The following SLC8A1 variants were observed in gnomAD, a reference collection of about 807,000 sequenced individuals.
SLC8A1 encodes sodium/calcium exchanger 1.
Under a neutral mutation model 68.3 loss-of-function variants are expected in SLC8A1, and 18 were observed. The observed-to-expected ratio is 0.26, with a 90% CI of 0.18 to 0.39. The LOEUF (loss-of-function observed/expected upper bound fraction) is 0.39, where lower values mean the gene tolerates loss of function less well. SLC8A1 is among the 10% of genes least tolerant of loss of function. The pLI is 1.00. For synonymous variants in SLC8A1, 475 were observed against 415.5 expected (o/e 1.14, Z -1.74); for missense variants, 985 against 1,156.7 (o/e 0.85, Z 2.15).
chr2:40,452,852 C>A (rs1001240534), upstream of SLC8A1, among the ~76,000 whole-genome samples: 1 of 151,732 alleles, frequency 6.6e-6, no homozygotes, highest in Non-Finnish European at 1.5e-5. Flanking sequence ...GAATAAAGAC[C>A]CAGAGTCTGT....
At chr2:40,330,053 T>C (rs2076256456) in intron 2 of SLC8A1, among the ~76,000 whole-genome samples, 1 of 152,192 alleles carries the variant, frequency 6.6e-6, no homozygotes, top group Non-Finnish European at 1.5e-5. Flanking sequence ...GTGTGGAGCT[T>C]AAAACTTTTC....
At chr2:40,315,945 C>G (rs2074388921) in intron 2 of SLC8A1, among the ~76,000 whole-genome samples, 1 of 152,032 alleles carries the variant, frequency 6.6e-6, no homozygotes, top group South Asian at 2.1e-4. Flanking sequence ...AGTAATTACA[C>G]TGGTCTCAGG....
intron 2 of SLC8A1, among the ~76,000 whole-genome samples, chr2:40,243,166 G>A (rs886464735): frequency 6.6e-6 from 1 of 152,104 alleles, no homozygotes; most frequent in African/African-American, 2.4e-5. Flanking sequence ...ATCTTTAACT[G>A]AGTTAATTCA....
At chr2:40,165,513 G>A (rs888914124) in intron 4 of SLC8A1, among the ~76,000 whole-genome samples, 5 of 152,292 alleles carry the variant, frequency 3.3e-5, no homozygotes, top group African/African-American at 1.2e-4. Flanking sequence ...CTTGCCAAGA[G>A]ACCCTATTGC....
intron 2 of SLC8A1, among the ~76,000 whole-genome samples, chr2:40,377,814 C>G (rs1392503312): frequency 6.6e-6 from 1 of 152,088 alleles, no homozygotes; most frequent in African/African-American, 2.4e-5. Context: ...CAAAGTAGAG[C>G]CCTACAAAGT....
chr2:40,508,370 A>G (rs1422704266), intron 1 of SLC8A1, among the ~76,000 whole-genome samples: 2 of 151,430 alleles, frequency 1.3e-5, no homozygotes, highest in Admixed American at 6.6e-5. Context: ...AAAAAAATCT[A>G]AAAAAAAGAT....
chr2:40,257,171 C>G (rs2064061291), intron 2 of SLC8A1, among the ~76,000 whole-genome samples: 2 of 151,994 alleles, frequency 1.3e-5, no homozygotes, highest in Non-Finnish European at 2.9e-5. Context: ...TAGCTAAATG[C>G]ATGATGAAAA....
At chr2:40,207,445 T>TAA (rs2055673702) in intron 2 of SLC8A1, among the ~76,000 whole-genome samples, 1 of 152,058 alleles carries the variant, frequency 6.6e-6, no homozygotes. Flanking sequence ...TATACAAATG[T>TAA]TGGGTTCTAT....
chr2:40,453,516 C>CT (rs1702801312), upstream of SLC8A1: 1 of 152,258 alleles, frequency 6.6e-6, no homozygotes, highest in African/African-American at 2.4e-5. Context: ...TCTTCTGCCC[C>CT]TGTGCCAGTG....
intron 7 of SLC8A1, among the ~76,000 whole-genome samples, chr2:40,134,123 G>T (rs1244817084): frequency 6.7e-6 from 1 of 150,048 alleles, no homozygotes; most frequent in Non-Finnish European, 1.5e-5. Flanking sequence ...ATGGAATCTT[G>T]CTCTGTTGCC....
chr2:40,150,211 G>T (rs2043166659), intron 6 of SLC8A1, among the ~76,000 whole-genome samples: 7 of 152,150 alleles, frequency 4.6e-5, no homozygotes, highest in Admixed American at 3.9e-4. Context: ...CATGCGGTGG[G>T]ATGTATGTGC....
intron 1 of SLC8A1, among the ~76,000 whole-genome samples, chr2:40,478,160 A>G (rs2149909584): frequency 6.6e-6 from 1 of 151,984 alleles, no homozygotes; most frequent in Non-Finnish European, 1.5e-5. Context: ...TTGGCTGGGG[A>G]TGATAAAACC....
chr2:40,141,352 CCT>C (rs2041531074), intron 6 of SLC8A1, among the ~76,000 whole-genome samples: 1 of 152,220 alleles, frequency 6.6e-6, no homozygotes, highest in South Asian at 2.1e-4. Context: ...CTGGATTTGT[CCT>C]CTGTCATTTT....
chr2:40,406,046 C>T (rs1047066549), intron 2 of SLC8A1, among the ~76,000 whole-genome samples: 1 of 152,158 alleles, frequency 6.6e-6, no homozygotes, highest in African/African-American at 2.4e-5. Flanking sequence ...TTCTATAGCA[C>T]TGAACTCCCA....
chr2:40,209,663 G>C (rs1242678165), intron 2 of SLC8A1, among the ~76,000 whole-genome samples: 2 of 152,152 alleles, frequency 1.3e-5, no homozygotes, highest in Admixed American at 6.5e-5. Flanking sequence ...CCTCAGGACA[G>C]GATAGTAACA....
chr2:40,217,848 G>A (rs1249779878), intron 2 of SLC8A1, among the ~76,000 whole-genome samples: 1 of 152,186 alleles, frequency 6.6e-6, no homozygotes, highest in Non-Finnish European at 1.5e-5. Context: ...CATGGCAACA[G>A]AACTAGGGTT....
chr2:40,312,339 C>T (rs151139902), intron 2 of SLC8A1, among the ~76,000 whole-genome samples: 65 of 152,156 alleles, frequency 4.3e-4, no homozygotes, highest in African/African-American at 1.5e-3. Context: ...CATCGTGATG[C>T]GCAACTGTGA....
chr2:40,235,069 TTG>T (rs2060186453), intron 2 of SLC8A1, among the ~76,000 whole-genome samples: 1 of 152,042 alleles, frequency 6.6e-6, no homozygotes, highest in African/African-American at 2.4e-5. Context: ...TCTTTTTTGG[TTG>T]TGTCTCTGCT....
At chr2:40,297,268 T>C (rs937765113) in intron 2 of SLC8A1, among the ~76,000 whole-genome samples, 2 of 152,196 alleles carry the variant, frequency 1.3e-5, no homozygotes, top group African/African-American at 2.4e-5. Flanking sequence ...TCATAAACTA[T>C]TGGGAGAGTC....
Sources: allele counts gnomAD v4.1 joint callset (sites outside exome capture counted in the v4.1 genomes callset), GRCh38; gene constraint gnomAD v4.1.1; transcripts MANE v1.5; gene names NCBI Gene and HGNC (gene_info 2026-07-23, HGNC 2026-07-21).